The following SRPK2 variants were observed in gnomAD, a reference collection of about 807,000 sequenced individuals.
SRPK2 encodes SRSF protein kinase 2.
SRPK2 carries 21 observed loss-of-function variants against 90.8 expected under a neutral mutation model. That is an observed-to-expected ratio of 0.23 (90% CI 0.16 to 0.33). The LOEUF (loss-of-function observed/expected upper bound fraction) is 0.33, where lower values mean the gene tolerates loss of function less well. Among genes scored for constraint, SRPK2 ranks in the 10% least tolerant of loss-of-function variants. SRPK2 has a pLI of 1.00. For synonymous variants in SRPK2, 288 were observed against 311.1 expected (o/e 0.93, Z 0.78); for missense variants, 620 against 869.0 (o/e 0.71, Z 3.60).
At chr7:105,298,095 T>G (rs1348806869) in intron 2 of SRPK2, among the ~76,000 whole-genome samples, 1 of 152,184 alleles carries the variant, frequency 6.6e-6, no homozygotes, top group Non-Finnish European at 1.5e-5. Flanking sequence ...GGGTAAGTTT[T>G]GACACAGTTG....
chr7:105,269,010 C>A, intron 2 of SRPK2: 1 of 1,363,472 alleles, frequency 7.3e-7, no homozygotes, highest in South Asian at 1.7e-5. Flanking sequence ...GACTGGGATT[C>A]AATGGTGCTA....
chr7:105,319,862 T>G (rs1364480945), intron 2 of SRPK2, among the ~76,000 whole-genome samples: 1 of 148,810 alleles, frequency 6.7e-6, no homozygotes, highest in Non-Finnish European at 1.5e-5. Flanking sequence ...TTCCCCCCCT[T>G]TTTTTTTTTT....
chr7:105,266,234 A>G (rs1805052120), intron 2 of SRPK2, among the ~76,000 whole-genome samples: 1 of 147,244 alleles, frequency 6.8e-6, no homozygotes, highest in Non-Finnish European at 1.5e-5. Context: ...AGATTCTACA[A>G]AAATAAATTA....
intron 2 of SRPK2, among the ~76,000 whole-genome samples, chr7:105,271,941 C>T (rs1473595562): frequency 2.0e-5 from 3 of 152,124 alleles, no homozygotes; most frequent in Non-Finnish European, 4.4e-5. Flanking sequence ...AAACACCTTC[C>T]TCACACCAAA....
downstream of SRPK2, among the ~76,000 whole-genome samples, chr7:105,115,799 A>G (rs149280155): frequency 2.6e-4 from 40 of 152,304 alleles, no homozygotes; most frequent in East Asian, 6.2e-3. Flanking sequence ...TCATTCAAGT[A>G]TACTATCACC....
chr7:105,141,196 C>T (rs1366458120), intron 11 of SRPK2, among the ~76,000 whole-genome samples: 1 of 152,144 alleles, frequency 6.6e-6, no homozygotes, highest in Non-Finnish European at 1.5e-5. Context: ...CCAGCTTACT[C>T]GGCGTGCAAT....
At chr7:105,307,792 T>C (rs898668154) in intron 2 of SRPK2, among the ~76,000 whole-genome samples, 3 of 152,188 alleles carry the variant, frequency 2.0e-5, no homozygotes, top group Non-Finnish European at 4.4e-5. Context: ...TAATCAGAAA[T>C]AACATACGCT....
At position 105,222,481 on chromosome 7, in the gene SRPK2, T is replaced by C. The variant is rs542737844; in HGVS notation, c.72-18696A>G. On this transcript the variant is annotated intron_variant, in intron 2 of 15. Coordinates refer to ENST00000393651, the MANE Select transcript of SRPK2 (RefSeq NM_182692.3). ...TTAACCAAACAATAACTGAAGACAATAGTCTAACAATTTAAGCATTTTAAG... is the reference window on the plus strand; with the variant it reads ...TTAACCAAACAATAACTGAAGACAACAGTCTAACAATTTAAGCATTTTAAG... Among the ~76,000 whole-genome samples, 5 of 152,238 alleles carry C rather than the reference T, an allele frequency of 3.3e-5. No homozygotes were observed. The East Asian group carries it at 5.8e-4, about 18-fold the overall frequency.
intron 2 of SRPK2, among the ~76,000 whole-genome samples, chr7:105,381,468 G>A (rs944736191): frequency 6.6e-6 from 1 of 151,460 alleles, no homozygotes; most frequent in Non-Finnish European, 1.5e-5. Context: ...ACTCCATCTC[G>A]AAAAAACAAA....
At chr7:105,244,330 G>C (rs543322952) in intron 2 of SRPK2, among the ~76,000 whole-genome samples, 70 of 152,352 alleles carry the variant, frequency 4.6e-4, no homozygotes, top group African/African-American at 1.7e-3. Flanking sequence ...AGCACTTTGG[G>C]AGGCCGAGGC....
chr7:105,219,145 C>T (rs1026009491), intron 2 of SRPK2, among the ~76,000 whole-genome samples: 3 of 151,990 alleles, frequency 2.0e-5, no homozygotes, highest in Non-Finnish European at 2.9e-5. Context: ...GAGTGGTCGG[C>T]GCATACTTCC....
At chr7:105,159,531 A>G (rs1385854203) in intron 7 of SRPK2, among the ~76,000 whole-genome samples, 3 of 151,674 alleles carry the variant, frequency 2.0e-5, no homozygotes, top group African/African-American at 7.3e-5. Context: ...TTATCTGCAC[A>G]CAAATTCAAC....
intron 2 of SRPK2, among the ~76,000 whole-genome samples, chr7:105,207,705 GA>G (rs1796382480): frequency 6.6e-6 from 1 of 151,934 alleles, no homozygotes; most frequent in East Asian, 1.9e-4. Context: ...AAACTCTCAG[GA>G]AAAAAACATA....
chr7:105,330,060 T>C (rs1441549046), intron 2 of SRPK2, among the ~76,000 whole-genome samples: 1 of 150,040 alleles, frequency 6.7e-6, no homozygotes, highest in Non-Finnish European at 1.5e-5. Flanking sequence ...TAAAATAAAA[T>C]AGCCAGGCGC....
At chr7:105,282,433 T>G (rs10248422) in intron 2 of SRPK2, among the ~76,000 whole-genome samples, 27,660 of 152,168 alleles carry the variant, frequency 0.18, 3,187 homozygotes, top group East Asian at 0.58. Flanking sequence ...AGGTATGACA[T>G]GAAAAGCACA....
intron 6 of SRPK2, among the ~76,000 whole-genome samples, chr7:105,166,804 A>G (rs1464515152): frequency 1.3e-5 from 2 of 152,220 alleles, no homozygotes; most frequent in African/African-American, 2.4e-5. Flanking sequence ...TTCCATACTC[A>G]CCTGACAGAA....
chr7:105,170,985 A>AAGAAAGAAAG (rs1791028418), intron 3 of SRPK2, among the ~76,000 whole-genome samples: 1 of 135,764 alleles, frequency 7.4e-6, no homozygotes, highest in African/African-American at 2.8e-5. Flanking sequence ...AAGAGAAAGA[A>AAGAAAGAAAG]AGAAAGAAAG....
At chr7:105,315,578 TCA>T (rs1812218533) in intron 2 of SRPK2, among the ~76,000 whole-genome samples, 1 of 152,238 alleles carries the variant, frequency 6.6e-6, no homozygotes, top group African/African-American at 2.4e-5. Flanking sequence ...GACTCTCATT[TCA>T]ACCTTTCAAC....
intron 3 of SRPK2, among the ~76,000 whole-genome samples, chr7:105,186,285 C>T (rs930105574): frequency 1.3e-5 from 2 of 152,034 alleles, no homozygotes; most frequent in African/African-American, 2.4e-5. Flanking sequence ...TTCCGGTATA[C>T]CCATCAACCA....
Sources: allele counts gnomAD v4.1 joint callset (sites outside exome capture counted in the v4.1 genomes callset), GRCh38; gene constraint gnomAD v4.1.1; transcripts MANE v1.5; gene names NCBI Gene and HGNC (gene_info 2026-07-23, HGNC 2026-07-21).